Variants in ENG observed in about 807,000 individuals in gnomAD.
ENG encodes the protein CD105 antigen.
ENG carries 17 observed loss-of-function variants against 71.0 expected under a neutral mutation model. That is an observed-to-expected ratio of 0.24 (90% CI 0.16 to 0.36). ENG has a LOEUF of 0.36. Among genes scored for constraint, ENG ranks in the 10% least tolerant of loss-of-function variants. The probability of loss-of-function intolerance (pLI) is 1.00; values close to 1 mark genes in which losing one functional copy is unlikely to be tolerated. For missense variants in ENG, 749 were observed against 868.3 expected, an observed-to-expected ratio of 0.86 and a Z score of 1.73; for synonymous variants, 360 against 366.9, an observed-to-expected ratio of 0.98 and a Z score of 0.21.
Position 127,825,890 on chromosome 9 carries a change from C to T in ENG, c.524-30G>A, listed in dbSNP as rs41409546. On this transcript the variant is annotated intron_variant, in intron 4 of 14. Coordinates refer to ENST00000373203, the MANE Select transcript of ENG (RefSeq NM_001114753.3). ...AGAGACACGCGCACCTCAGTCCCTT[C>T]CCTCAGCAGCCCTGCACCTAACAGA... is the stretch of plus-strand genomic sequence containing the variant. 6,527 of 1,557,978 alleles carry T rather than the reference C, an allele frequency of 4.2e-3. 145 individuals are homozygous for T. In the African/African-American group the frequency reaches 0.042, roughly 10 times the overall value.
chr9:127,828,019 C>CAAAAAAAAAA lies in ENG; in HGVS notation c.361-1357_361-1348dup, dbSNP rs997493323. Among the ~76,000 whole-genome samples, 5 of 31,188 alleles carry CAAAAAAAAAA rather than the reference C, an allele frequency of 1.6e-4. 1 individual carries two copies. The highest frequency in any genetic ancestry group is 6.7e-4 in the African/African-American group (5 of 7,420). The allele number at this position is 31,188 out of a possible 152,430, so 20.5% of individuals were successfully genotyped here. On this transcript the variant is annotated intron_variant, in intron 3 of 14. Coordinates refer to ENST00000373203, the MANE Select transcript of ENG (RefSeq NM_001114753.3). ...GGGCAACAAGAGTGAAACTCCATCT[C>CAAAAAAAAAA]AAAAAAAAAAAAAAAAAAAAAAAAA...
At position 127,822,713 on chromosome 9, in the gene ENG, T is replaced by C. The variant is rs146968379; in HGVS notation, c.1134+1591A>G. On this transcript the variant is annotated intron_variant, in intron 8 of 14. Coordinates refer to ENST00000373203, the MANE Select transcript of ENG (RefSeq NM_001114753.3). ...AAGAGACAAATGAACACATCTCTTA[T>C]GATTACATCAATATAAGAAATACAC... 5.7e-3 allele frequency among the ~76,000 whole-genome samples: 875 copies of C among 152,340 alleles called. 6 individuals are homozygous for C. Among genetic ancestry groups the C allele is most frequent in the African/African-American group, 0.02 (836 of 41,572 alleles).
chr9:127,832,267 G>A (rs886883087), intron 2 of ENG, among the ~76,000 whole-genome samples: 3 of 151,618 alleles, frequency 2.0e-5, no homozygotes, highest in African/African-American at 7.3e-5. Context: ...TAGAGATGGG[G>A]TTTCAGCATG....
chr9:127,819,160 A>G, intron 10 of ENG: 2 of 357,460 alleles, frequency 5.6e-6, no homozygotes, highest in South Asian at 4.6e-5. Context: ...GATGGTCTCA[A>G]TCTCTTCACC....
chr9:127,816,344 G>A (rs1172789247), intron 13 of ENG: 6 of 504,998 alleles, frequency 1.2e-5, no homozygotes, highest in South Asian at 8.1e-5. Context: ...ATGGGGTAAC[G>A]TGAGGAAACT....
At chr9:127,849,297 C>T (rs186025831) in intron 1 of ENG, among the ~76,000 whole-genome samples, 12 of 152,356 alleles carry the variant, frequency 7.9e-5, no homozygotes, top group East Asian at 3.9e-4. Flanking sequence ...ATTCTTGAAT[C>T]GCACCCTTCT....
chr9:127,818,064 AACCACAG>A, intron 12 of ENG, 49 bp downstream of exon 12: 1 of 1,613,026 alleles, frequency 6.2e-7, no homozygotes, highest in Non-Finnish European at 8.5e-7. Context: ...CCTTCCTGCA[AACCACAG>A]ACCTGGAAGC....
At chr9:127,824,512 C>G in intron 7 of ENG, 66 bp from the exon 8 acceptor site, 4 of 684,878 alleles carry the variant, frequency 5.8e-6, no homozygotes, top group Non-Finnish European at 7.7e-6. Context: ...CCGCACCAGG[C>G]TTTTTTTTTT....
rs746418298 is a variant in ENG at position 127,838,502 on chromosome 9, G to A, written c.219+4592C>T. 1.1e-4 allele frequency among the ~76,000 whole-genome samples: 16 copies of A among 152,142 alleles called. No homozygotes were observed. Among genetic ancestry groups the A allele is most frequent in the Non-Finnish European group, 2.1e-4 (14 of 68,012 alleles). On this transcript the variant is annotated intron_variant, in intron 2 of 14. Transcript: ENST00000373203. The surrounding 1 kb of genome is among the most constrained non-coding windows in gnomAD (Gnocchi z 4.3). Reference sequence around the variant, plus strand: ...GGCTCTCTCTCTCTGCCTGAGTGGTGTTGCCTGCCCCTCTGGTCAAGAGTG... The same window carrying A: ...GGCTCTCTCTCTCTGCCTGAGTGGTATTGCCTGCCCCTCTGGTCAAGAGTG...
chr9:127,827,820 A>T (rs1830660619), intron 3 of ENG, among the ~76,000 whole-genome samples: 1 of 151,794 alleles, frequency 6.6e-6, no homozygotes, highest in Non-Finnish European at 1.5e-5. Flanking sequence ...GTTCGAGACC[A>T]GCCTAGCCAA....
chr9:127,845,079 C>T (rs41529745), intron 1 of ENG, among the ~76,000 whole-genome samples: 458 of 152,328 alleles, frequency 3.0e-3, no homozygotes, highest in Non-Finnish European at 4.7e-3. Flanking sequence ...AAGGGGGCTC[C>T]GGAGGAGGGA....
At chr9:127,819,850 G>C (rs1405044147) in intron 9 of ENG, 50 bp downstream of exon 9, 2 of 1,613,942 alleles carry the variant, frequency 1.2e-6, no homozygotes, top group Admixed American at 3.3e-5. Flanking sequence ...GGGCACCTGA[G>C]GGGGCACCAA....
intron 1 of ENG, among the ~76,000 whole-genome samples, chr9:127,853,681 A>T (rs1237837130): frequency 1.3e-5 from 2 of 152,222 alleles, no homozygotes; most frequent in Non-Finnish European, 2.9e-5. Context: ...GGCCCTGGGG[A>T]AGGTGAGCTG....
chr9:127,853,369 A>T (rs1365565509), intron 1 of ENG, among the ~76,000 whole-genome samples: 3 of 152,128 alleles, frequency 2.0e-5, no homozygotes, highest in Non-Finnish European at 4.4e-5. Flanking sequence ...AAGCCCCTGG[A>T]TGCACAGGTG....
At chr9:127,825,072 C>G in intron 6 of ENG, 98 bp from the exon 7 acceptor site, 10 of 1,583,548 alleles carry the variant, frequency 6.3e-6, no homozygotes, top group Non-Finnish European at 8.6e-6. Context: ...CTGCTGTGTC[C>G]CCACTCCTGC....
In ENG at chr9:127,815,671, G is replaced by T; in HGVS notation, c.*11C>A. The T allele has an allele frequency of 6.4e-7, 1 of 1,554,688 alleles. No homozygotes were observed. Among genetic ancestry groups the T allele is most frequent in the East Asian group, 2.4e-5 (1 of 42,362 alleles). On this transcript the variant is annotated 3_prime_UTR_variant, in exon 15 of 15. Transcript: ENST00000373203. ...CAGTCTCTCCTGCTGGGCGAGCGCG[G>T]GGGGCCGGGGCTATGCCATGCTGCT...
intron 6 of ENG, 107 bp from the exon 7 acceptor site, chr9:127,825,081 G>T: frequency 6.3e-7 from 1 of 1,584,154 alleles, no homozygotes; most frequent in Non-Finnish European, 8.6e-7. Context: ...CCCCACTCCT[G>T]CTGCGTCTTC....
chr9:127,843,123 C>T lies in ENG; in HGVS notation c.190G>A (p.Val64Ile). Residue 64 changes from valine to isoleucine, a missense_variant, in exon 2 of 15, where the codon GTC becomes ATC. By Grantham distance (29) the Val-to-Ile change is conservative. Transcript: ENST00000373203. ...GGGAACTCCAGGAAGAGGACATGGA[C>T]TTCAAGGATGGCATTGGGGGCCTGA... is the stretch of plus-strand genomic sequence containing the variant. ...VAQAPNAILE[V>I]HVLFLEFPTG... 2.5e-6 allele frequency: 4 copies of T among 1,614,194 alleles called. No homozygotes were observed. Among genetic ancestry groups the T allele is most frequent in the Non-Finnish European group, 3.4e-6 (4 of 1,180,014 alleles).
At chr9:127,819,095 G>A (rs1172262943) in intron 10 of ENG, 5 of 405,412 alleles carry the variant, frequency 1.2e-5, no homozygotes, top group African/African-American at 4.1e-5. Context: ...CCGCCACCAC[G>A]CCCGGCTAAT....
Sources: allele counts gnomAD v4.1 joint callset (sites outside exome capture counted in the v4.1 genomes callset), GRCh38; gene constraint gnomAD v4.1.1; non-coding constraint Gnocchi (gnomAD v3.1); transcripts MANE v1.5; gene names NCBI Gene and HGNC (gene_info 2026-07-23, HGNC 2026-07-21).